The following ABI2 variants were observed in gnomAD, a reference collection of about 807,000 sequenced individuals.
The protein encoded by ABI2 is abelson interactor 2.
Under a neutral mutation model 59.2 loss-of-function variants are expected in ABI2, and 25 were observed. The observed-to-expected ratio is 0.42, with a 90% CI of 0.31 to 0.59. The LOEUF (loss-of-function observed/expected upper bound fraction) is 0.59, where lower values mean the gene tolerates loss of function less well. Among genes scored for constraint, ABI2 ranks in the 20% least tolerant of loss-of-function variants. The pLI is 0.14. For missense variants in ABI2, 545 were observed against 681.8 expected, an observed-to-expected ratio of 0.80 and a Z score of 2.23; for synonymous variants, 213 against 235.5, an observed-to-expected ratio of 0.90 and a Z score of 0.87.
rs184363775 is a variant in ABI2 at position 203,366,212 on chromosome 2, A to G, written c.118-665A>G. 1.6e-3 allele frequency among the ~76,000 whole-genome samples: 240 copies of G among 152,244 alleles called. 1 individual carries two copies. Among genetic ancestry groups the G allele is most frequent in the Non-Finnish European group, 2.3e-3 (158 of 68,004 alleles). Reference sequence around the variant, plus strand: ...CTCATGCCTGTAATCCCGGCACTTCAGGAGGCTGAGGCAGGCCAATGAATC... The same window carrying G: ...CTCATGCCTGTAATCCCGGCACTTCGGGAGGCTGAGGCAGGCCAATGAATC... On this transcript the variant is annotated intron_variant, in intron 1 of 11. Transcript: ENST00000261018.
intron 4 of ABI2, among the ~76,000 whole-genome samples, chr2:203,387,056 C>CTTTTT (rs35497226): frequency 1.7e-5 from 2 of 116,510 alleles, no homozygotes; most frequent in Non-Finnish European, 3.4e-5. Context: ...GGCTCCCTTC[C>CTTTTT]TTTTTTTTTT....
intron 2 of ABI2, among the ~76,000 whole-genome samples, chr2:203,379,419 T>C (rs1248997421): frequency 6.6e-6 from 1 of 152,158 alleles, no homozygotes; most frequent in African/African-American, 2.4e-5. Context: ...AGCTACTTTT[T>C]GTAGAGACGG....
rs372210097 is a variant in ABI2 at position 203,382,259 on chromosome 2, C to T, written c.480+53C>T. 2.8e-6 allele frequency: 4 copies of T among 1,411,768 alleles called. No individual in the cohort carries two copies. In the African/African-American group the frequency reaches 5.8e-5, roughly 20 times the overall value. The allele number at this position is 1,411,768 out of a possible 1,614,324, so 87.5% of individuals were successfully genotyped here. A position where few individuals can be genotyped will look rare whatever the true frequency, so the allele number is the denominator to read the frequency against. On this transcript the variant is annotated intron_variant, in intron 4 of 11. Coordinates refer to ENST00000261018, the MANE Select transcript of ABI2 (RefSeq NM_001375670.1). ...TTCTTTGTTCTTATGTAGAATATTA[C>T]ATATGGGGAGTTAAAGAGATTGTTA...
intron 3 of ABI2, among the ~76,000 whole-genome samples, chr2:203,381,054 T>C (rs1017895533): frequency 5.9e-5 from 9 of 152,200 alleles, no homozygotes; most frequent in African/African-American, 1.9e-4. Flanking sequence ...ACTTATCAGA[T>C]GTGACTAAAT....
chr2:203,355,214 TA>T (rs748446925), intron 1 of ABI2: 9 of 399,424 alleles, frequency 2.3e-5, no homozygotes, highest in Admixed American at 4.8e-5. Flanking sequence ...CATGGAAAGT[TA>T]AAAAAAGAAG....
chr2:203,350,852 G>C (rs978823000), intron 1 of ABI2, among the ~76,000 whole-genome samples: 4 of 135,194 alleles, frequency 3.0e-5, no homozygotes, highest in African/African-American at 1.1e-4. Flanking sequence ...CTTTGTTTTT[G>C]TTGTGTGTTT....
intron 6 of ABI2, among the ~76,000 whole-genome samples, chr2:203,395,448 T>TATATATATATACAC (rs750379504): frequency 0.011 from 1,311 of 115,268 alleles, 21 homozygotes; most frequent in East Asian, 0.019. Flanking sequence ...TATATATATA[T>TATATATATATACAC]ACACACACAC....
chr2:203,334,876 G>A (rs1029947316), intron 1 of ABI2, among the ~76,000 whole-genome samples: 1 of 152,066 alleles, frequency 6.6e-6, no homozygotes, highest in African/African-American at 2.4e-5. Context: ...GGCCAGGCTG[G>A]TCTCGAGATC....
At position 203,328,559 on chromosome 2, in the gene ABI2, C is replaced by T; in HGVS notation, c.45C>T (p.Gly15=). ...QMLLEEEIPG[G]RRALFDSYTN... is the part of the protein sequence containing the mutation. ...TGCTGGAAGAGGAAATCCCGGGGGG[C>T]CGCCGGGCCCTCTTCGACAGCTACA... The change falls in exon 1 of 12, where the codon GGC becomes GGT. Residue 15 remains glycine, a synonymous_variant. Coordinates refer to ENST00000261018, the MANE Select transcript of ABI2 (RefSeq NM_001375670.1). The T allele has an allele frequency of 6.2e-7, 1 of 1,605,694 alleles. No homozygotes were observed. The highest frequency in any genetic ancestry group is 1.1e-5 in the South Asian group (1 of 90,498).
intron 2 of ABI2, among the ~76,000 whole-genome samples, chr2:203,369,378 G>C (rs1265966516): frequency 6.6e-6 from 1 of 152,092 alleles, no homozygotes; most frequent in Non-Finnish European, 1.5e-5. Flanking sequence ...GTGGGTAAAT[G>C]ATGACAACAA....
In ABI2 at chr2:203,427,219, T is replaced by C. The variant is rs2098446868; in HGVS notation, c.1496T>C (p.Leu499Pro). 1 of 1,613,990 alleles carries C rather than the reference T, an allele frequency of 6.2e-7. No individual in the cohort carries two copies. Among genetic ancestry groups the C allele is most frequent in the African/African-American group, 1.3e-5 (1 of 74,936 alleles). The change falls in exon 12 of 12, where the codon CTG becomes CCG. Residue 499 changes from leucine to proline, a missense_variant. Coordinates refer to ENST00000261018, the MANE Select transcript of ABI2 (RefSeq NM_001375670.1). ...TATACAAAAGACAAGGAAGATGAGCTGTCCTTTCAGGAAGGAGCCATTATT... is the reference window on the plus strand; with the variant it reads ...TATACAAAAGACAAGGAAGATGAGCCGTCCTTTCAGGAAGGAGCCATTATT... ...YDYTKDKEDE[L>P]SFQEGAIIYV...
chr2:203,417,108 G>C (rs1200003946), intron 11 of ABI2, 27 bp downstream of exon 11: 2 of 1,573,996 alleles, frequency 1.3e-6, no homozygotes, highest in Admixed American at 1.8e-5. Context: ...TATCTGGATA[G>C]ATGGGAAGAA....
chr2:203,426,698 A>C (rs921724789), intron 11 of ABI2, among the ~76,000 whole-genome samples: 3 of 151,960 alleles, frequency 2.0e-5, no homozygotes, highest in Admixed American at 2.0e-4. Flanking sequence ...GGAGACAGAA[A>C]TCTGCTGTTC....
rs1248908977 is a variant in ABI2, at chr2:203,423,281, A to G, written c.1454-3896A>G. ...AATATAGATGTATTTAGAAGTATCC[A>G]AAAAGCTAGGCCTTGTGTTAGGCGC... On this transcript the variant is annotated intron_variant, in intron 11 of 11. Transcript: ENST00000261018. 2.0e-5 allele frequency among the ~76,000 whole-genome samples: 3 copies of G among 152,232 alleles called. No homozygotes were observed. In the East Asian group the frequency reaches 5.8e-4, roughly 29 times the overall value.
intron 1 of ABI2, among the ~76,000 whole-genome samples, chr2:203,352,254 G>A (rs1482926372): frequency 1.3e-5 from 2 of 152,150 alleles, no homozygotes; most frequent in Non-Finnish European, 1.5e-5. Flanking sequence ...GAGTTCAGAA[G>A]TTCAAGGTTA....
At chr2:203,404,843 G>A (rs1415339265) in intron 9 of ABI2, among the ~76,000 whole-genome samples, 1 of 152,160 alleles carries the variant, frequency 6.6e-6, no homozygotes, top group Non-Finnish European at 1.5e-5. Context: ...ACAGGTGTGA[G>A]CCACCGCACC....
intron 5 of ABI2, among the ~76,000 whole-genome samples, chr2:203,393,143 C>G (rs1279422320): frequency 6.6e-6 from 1 of 152,220 alleles, no homozygotes; most frequent in African/African-American, 2.4e-5. Context: ...CCAGGCAATT[C>G]TCTTGCCTCC....
intron 6 of ABI2, chr2:203,395,064 C>T (rs1205448791): frequency 2.8e-6 from 2 of 717,978 alleles, no homozygotes; most frequent in African/African-American, 3.5e-5. Context: ...GCAGACTTCT[C>T]TCCAAGTTTT....
intron 1 of ABI2, among the ~76,000 whole-genome samples, chr2:203,333,293 TTGTATGCACAAC>T (rs1299079347): frequency 2.0e-5 from 3 of 152,236 alleles, no homozygotes; most frequent in Non-Finnish European, 4.4e-5. Context: ...TAAATATTTT[TTGTATGCACAAC>T]TATATATCAA....
Sources: gnomAD v4.1 joint callset for allele counts (sites outside exome capture counted in the v4.1 genomes callset) on GRCh38, gnomAD v4.1.1 for gene constraint, MANE v1.5 for transcripts, NCBI Gene and HGNC (gene_info 2026-07-23, HGNC 2026-07-21) for gene names.